The following ING3 variants were observed in gnomAD, a reference collection of about 807,000 sequenced individuals.
The protein encoded by ING3 is inhibitor of growth family member 3, also known as inhibitor of growth protein 3.
ING3 carries 6 observed loss-of-function variants against 64.8 expected under a neutral mutation model. That is an observed-to-expected ratio of 0.09 (90% CI 0.05 to 0.18). The LOEUF is 0.18. Ranked by LOEUF, ING3 falls within the 10% of genes least tolerant of loss-of-function variation. ING3 has a pLI of 1.00. For missense variants in ING3, 310 were observed against 489.7 expected (o/e 0.63, Z 3.46); for synonymous variants, 170 against 173.7 (o/e 0.98, Z 0.17).
chr7:120,968,945 T>A, intron 8 of ING3, 66 bp from the exon 9 acceptor site: 1 of 1,049,360 alleles, frequency 9.5e-7, no homozygotes, highest in Admixed American at 2.5e-5. Flanking sequence ...CTATAATTTG[T>A]AAAACTTGAA....
chr7:120,953,134 G>C (rs1014574104), intron 2 of ING3, among the ~76,000 whole-genome samples, 170 bp from the exon 3 acceptor site: 1 of 152,064 alleles, frequency 6.6e-6, no homozygotes, highest in South Asian at 2.1e-4. Context: ...CTTTTTAAAG[G>C]AAGATAATTG....
chr7:120,958,386 G>T (rs917679366), intron 4 of ING3, among the ~76,000 whole-genome samples: 1 of 152,060 alleles, frequency 6.6e-6, no homozygotes, highest in Non-Finnish European at 1.5e-5. Context: ...GTGAGGCTCA[G>T]ATTGAAAAAC....
intron 5 of ING3, among the ~76,000 whole-genome samples, chr7:120,965,149 C>T (rs1795981120): frequency 6.6e-6 from 1 of 152,274 alleles, no homozygotes; most frequent in African/African-American, 2.4e-5. Flanking sequence ...AACCATCTTG[C>T]ATTAAGTGTG....
chr7:120,953,193 G>T (rs1795793028), intron 2 of ING3, 111 bp from the exon 3 acceptor site: 2 of 545,246 alleles, frequency 3.7e-6, no homozygotes, highest in East Asian at 6.5e-5. Context: ...TAAGTTACTG[G>T]CAAGGTGAAA....
intron 4 of ING3, among the ~76,000 whole-genome samples, chr7:120,957,313 A>G (rs1443579169): frequency 6.6e-6 from 1 of 151,160 alleles, no homozygotes; most frequent in African/African-American, 2.4e-5. Context: ...CGGAGCTTGC[A>G]GTGAGCAGAG....
chr7:120,955,459 G>A (rs1350779958), intron 3 of ING3, 100 bp from the exon 4 acceptor site: 6 of 796,450 alleles, frequency 7.5e-6, no homozygotes, highest in Non-Finnish European at 1.0e-5. Flanking sequence ...TAGGATGACT[G>A]TGATAACAAG....
intron 4 of ING3, among the ~76,000 whole-genome samples, chr7:120,960,914 C>A (rs907113797): frequency 5.9e-5 from 9 of 152,174 alleles, no homozygotes; most frequent in African/African-American, 2.2e-4. Flanking sequence ...TTGATTTATA[C>A]ATACCCTGAT....
rs530853696 is a variant in ING3 at position 120,961,103 on chromosome 7, G to GT, written c.268-3638dup. Among the ~76,000 whole-genome samples, 236 of 152,268 alleles carry GT rather than the reference G, an allele frequency of 1.5e-3. 1 individual carries two copies. The highest frequency in any genetic ancestry group is 5.5e-3 in the African/African-American group (228 of 41,556). On this transcript the variant is annotated intron_variant, in intron 4 of 11. Coordinates refer to ENST00000315870, the MANE Select transcript of ING3 (RefSeq NM_019071.3). Reference sequence around the variant, plus strand: ...TCTGATACTCTAATTAAGGAAATATGTGAGTTTGACCTTTTGATTTCTGTC... The same window carrying GT: ...TCTGATACTCTAATTAAGGAAATATGTTGAGTTTGACCTTTTGATTTCTGTC...
rs538168411 is a variant in ING3 at position 120,963,457 on chromosome 7, G to T, written c.268-1285G>T. On this transcript the variant is annotated intron_variant, in intron 4 of 11. Transcript: ENST00000315870. Reference sequence around the variant, plus strand: ...AAGAATGTTTTTCAAAAAAAAAACAGTTGTTTTCTGCATGCAGAAAGTTCA... The same window carrying T: ...AAGAATGTTTTTCAAAAAAAAAACATTTGTTTTCTGCATGCAGAAAGTTCA... 9.8e-4 allele frequency among the ~76,000 whole-genome samples: 148 copies of T among 151,068 alleles called. 2 individuals are homozygous for T. The highest frequency in any genetic ancestry group is 3.4e-4 in the Non-Finnish European group (23 of 67,728).
In ING3 at chr7:120,955,926, C is replaced by T. The variant is rs553842084; in HGVS notation, c.267+302C>T. The T allele has an allele frequency of 2.5e-5, 14 of 570,102 alleles. No individual in the cohort carries two copies. The Admixed American group carries it at 3.8e-4, about 15-fold the overall frequency. 35.3% of individuals were successfully genotyped at this position (570,102 alleles called of 1,614,324 possible). On this transcript the variant is annotated intron_variant, in intron 4 of 11. Transcript: ENST00000315870. ...TTAACTTTATTTTACTAATCCTTGT[C>T]TTCTTAAGGTAGTGTGTTTACTTGC...
Position 120,966,687 on chromosome 7 carries a change from TC to T in ING3, c.428del (p.Pro143GlnfsTer43). 1 of 1,612,054 alleles carries T rather than the reference TC, an allele frequency of 6.2e-7. No individual in the cohort carries two copies. The highest frequency in any genetic ancestry group is 1.1e-5 in the South Asian group (1 of 91,050). On this transcript the variant is annotated frameshift_variant, in exon 6 of 12. Coordinates refer to ENST00000315870, the MANE Select transcript of ING3 (RefSeq NM_019071.3). LOFTEE classifies it high-confidence loss of function. ...VNNHHAHSHT[P>X]VEKRKYNPTS... Reference sequence around the variant, plus strand: ...ACAATCACCATGCTCATTCACATACTCCAGTGGAAAGTAAGTTTGGTGTAGT... The same window carrying T: ...ACAATCACCATGCTCATTCACATACTCAGTGGAAAGTAAGTTTGGTGTAGT...
chr7:120,961,460 T>C (rs1795932897), intron 4 of ING3, among the ~76,000 whole-genome samples: 2 of 152,182 alleles, frequency 1.3e-5, no homozygotes, highest in African/African-American at 4.8e-5. Context: ...ATAAATTGAT[T>C]GTATTGGAAG....
chr7:120,950,782 G>A lies in ING3; in HGVS notation c.-115G>A, dbSNP rs1795744943. 3.0e-6 allele frequency: 2 copies of A among 660,998 alleles called. No homozygotes were observed. The highest frequency in any genetic ancestry group is 2.4e-6 in the Non-Finnish European group (1 of 410,594). The allele number at this position is 660,998 out of a possible 1,614,324, so 40.9% of individuals were successfully genotyped here. A position where few individuals can be genotyped will look rare whatever the true frequency, so the allele number is the denominator to read the frequency against. ...TTTTTCTTTTTTTTTTTTTGCCGGA[G>A]TCGAGCGGGTGCTGCTAGCGGAGGC... On this transcript the variant is annotated 5_prime_UTR_variant, in exon 1 of 12. Coordinates refer to ENST00000315870, the MANE Select transcript of ING3 (RefSeq NM_019071.3).
chr7:120,971,803 A>T (rs1796073238), intron 10 of ING3, among the ~76,000 whole-genome samples: 1 of 152,172 alleles, frequency 6.6e-6, no homozygotes, highest in Non-Finnish European at 1.5e-5. Flanking sequence ...AATCTTTTAG[A>T]AATAAAATTA....
chr7:120,972,391 T>A (rs1796080837), intron 10 of ING3, among the ~76,000 whole-genome samples: 1 of 152,190 alleles, frequency 6.6e-6, no homozygotes, highest in Admixed American at 6.5e-5. Flanking sequence ...TTGTTAGCTG[T>A]TCCACTATCA....
chr7:120,951,007 G>A (rs1345048561), intron 1 of ING3, 83 bp downstream of exon 1: 10 of 1,402,462 alleles, frequency 7.1e-6, no homozygotes, highest in Admixed American at 3.4e-5. Context: ...GAGATGGCGG[G>A]AGGGAGGGGG....
chr7:120,951,001 T>C, intron 1 of ING3, 77 bp downstream of exon 1: 3 of 689,986 alleles, frequency 4.3e-6, no homozygotes, highest in Non-Finnish European at 7.4e-6. Context: ...GGCAGCGAGA[T>C]GGCGGGAGGG....
At chr7:120,960,891 A>G (rs1375895238) in intron 4 of ING3, among the ~76,000 whole-genome samples, 1 of 152,182 alleles carries the variant, frequency 6.6e-6, no homozygotes, top group Non-Finnish European at 1.5e-5. Flanking sequence ...TTGGATTGCA[A>G]TACCTAATAA....
At chr7:120,968,223 G>A (rs1021439109) in intron 8 of ING3, 132 bp downstream of exon 8, 5 of 792,672 alleles carry the variant, frequency 6.3e-6, no homozygotes, top group Admixed American at 3.0e-5. Context: ...ATGATTTCAC[G>A]ATATGTGATA....
Sources: gnomAD v4.1 joint callset for allele counts (sites outside exome capture counted in the v4.1 genomes callset) on GRCh38, gnomAD v4.1.1 for gene constraint, MANE v1.5 for transcripts, NCBI Gene and HGNC (gene_info 2026-07-23, HGNC 2026-07-21) for gene names.